DNMT3A: variants seen among roughly 807,000 people sequenced by gnomAD.
The protein encoded by DNMT3A is DNA (cytosine-5)-methyltransferase 3A.
In DNMT3A, 267 loss-of-function variants were observed where a neutral mutation model predicts 117.6. The observed-to-expected ratio is 2.27, with a 90% CI of 2.05 to 2.51. The LOEUF is 2.51. Among genes scored for constraint, DNMT3A ranks in the 30% most tolerant of loss-of-function variants. DNMT3A has a pLI of 0.00. For synonymous variants in DNMT3A, 432 were observed against 474.8 expected (o/e 0.91, Z 1.17); for missense variants, 1,029 against 1,260.2 (o/e 0.82, Z 2.78).
chr2:25,310,376 A>G (rs1455841899), intron 2 of DNMT3A, among the ~76,000 whole-genome samples: 4 of 146,786 alleles, frequency 2.7e-5, no homozygotes, highest in Non-Finnish European at 6.0e-5. Context: ...CTGCGGCAAC[A>G]TTTACCAGCT....
At chr2:25,285,023 T>A (rs757112143) in intron 3 of DNMT3A, among the ~76,000 whole-genome samples, 1 of 152,168 alleles carries the variant, frequency 6.6e-6, no homozygotes, top group Non-Finnish European at 1.5e-5. Context: ...TGGTGGGCAT[T>A]TGGGCTGATT....
At chr2:25,324,785 C>T (rs2034725216) in intron 1 of DNMT3A, among the ~76,000 whole-genome samples, 1 of 152,128 alleles carries the variant, frequency 6.6e-6, no homozygotes, top group African/African-American at 2.4e-5. Flanking sequence ...GTCTTGGTGC[C>T]ATTTTCCAGT....
At chr2:25,302,209 C>CG (rs954804839) in intron 2 of DNMT3A, among the ~76,000 whole-genome samples, 10 of 151,982 alleles carry the variant, frequency 6.6e-5, no homozygotes, top group Non-Finnish European at 1.3e-4. Context: ...AGAGAATGCT[C>CG]GGAGGTGCAG....
intron 6 of DNMT3A, among the ~76,000 whole-genome samples, chr2:25,251,159 G>C (rs1210025040): frequency 1.4e-5 from 2 of 144,044 alleles, no homozygotes; most frequent in African/African-American, 5.2e-5. Flanking sequence ...GAAGCGGGGG[G>C]GGGGGTGGGT....
intron 2 of DNMT3A, among the ~76,000 whole-genome samples, chr2:25,307,145 T>C (rs1039233142): frequency 6.6e-6 from 1 of 152,214 alleles, no homozygotes; most frequent in Non-Finnish European, 1.5e-5. Context: ...AACACTCCTT[T>C]ACATGCCCTT....
At chr2:25,235,857 C>T (rs760739540) in intron 21 of DNMT3A, 32 bp from the exon 22 acceptor site, 39 of 1,579,168 alleles carry the variant, frequency 2.5e-5, no homozygotes, top group Non-Finnish European at 3.1e-5. Flanking sequence ...GGAATAAGCA[C>T]GAATTCATTC....
chr2:25,285,980 C>A (rs1050686442), intron 3 of DNMT3A, among the ~76,000 whole-genome samples: 17 of 152,224 alleles, frequency 1.1e-4, no homozygotes, highest in Admixed American at 1.1e-3. Flanking sequence ...CTAACTTGAG[C>A]TAAGAAGCTT....
chr2:25,264,071 A>T (rs2029934381), intron 6 of DNMT3A, among the ~76,000 whole-genome samples: 1 of 150,514 alleles, frequency 6.6e-6, no homozygotes, highest in East Asian at 1.9e-4. Flanking sequence ...CAGACACACA[A>T]GGTGGTATCT....
Position 25,254,917 on chromosome 2 carries a change from T to G in DNMT3A, c.640-6665A>C, listed in dbSNP as rs149155605. Among the ~76,000 whole-genome samples the G allele has an allele frequency of 3.9e-5, 6 of 152,332 alleles. No homozygotes were observed. Among genetic ancestry groups the G allele is most frequent in the African/African-American group, 1.4e-4 (6 of 41,588 alleles). On this transcript the variant is annotated intron_variant, in intron 6 of 22. Coordinates refer to ENST00000321117, the MANE Select transcript of DNMT3A (RefSeq NM_022552.5). This position sits in a 1 kb window ranked among gnomAD's most constrained non-coding sequence, Gnocchi z 4.7. ...TCAGAACTGGCCAGAACTGTTCACT[T>G]TCTCTTGGCCACATATTAGGTAGCT...
chr2:25,247,884 G>A lies in DNMT3A; in HGVS notation c.856-135C>T, dbSNP rs1342810079. ...AGGGAGCTCCATCTGAATGAGGCAA[G>A]ACAGAGCAAAATCGGGGAGACGAAG... On this transcript the variant is annotated intron_variant, in intron 7 of 22. Coordinates refer to ENST00000321117, the MANE Select transcript of DNMT3A (RefSeq NM_022552.5). The surrounding 1 kb of genome is among the most constrained non-coding windows in gnomAD (Gnocchi z 5.6). The A allele has an allele frequency of 2.6e-6, 4 of 1,523,996 alleles. No individual in the cohort carries two copies. The highest frequency in any genetic ancestry group is 3.5e-6 in the Non-Finnish European group (4 of 1,134,948). 94.4% of individuals were successfully genotyped at this position (1,523,996 alleles called of 1,614,324 possible).
chr2:25,255,940 C>G (rs1157382229), intron 6 of DNMT3A, among the ~76,000 whole-genome samples: 2 of 152,156 alleles, frequency 1.3e-5, no homozygotes, highest in Non-Finnish European at 2.9e-5. Context: ...AAGTTCAGTG[C>G]TCTGTGGCAT....
chr2:25,239,323 C>A, intron 19 of DNMT3A, 108 bp from the exon 20 acceptor site: 1 of 933,766 alleles, frequency 1.1e-6, no homozygotes, highest in Non-Finnish European at 1.7e-6. Flanking sequence ...ACTTCTCTCT[C>A]AGGAGCCACA....
In DNMT3A at chr2:25,327,536, G is replaced by T. The variant is rs961162195; in HGVS notation, c.-177-13375C>A. Among the ~76,000 whole-genome samples, 3 of 152,080 alleles carry T rather than the reference G, an allele frequency of 2.0e-5. No individual in the cohort carries two copies. Among genetic ancestry groups the T allele is most frequent in the Non-Finnish European group, 2.9e-5 (2 of 68,012 alleles). On this transcript the variant is annotated intron_variant, in intron 1 of 22. Transcript: ENST00000321117. The surrounding 1 kb of genome is among the most constrained non-coding windows in gnomAD (Gnocchi z 4.1). ...GACTCCATCTGGCTCCTTGCTTCTG[G>T]GTCTCCAGCCTCAGATTCTGCAGCT...
chr2:25,307,585 C>T (rs1385095348), intron 2 of DNMT3A, among the ~76,000 whole-genome samples: 2 of 151,694 alleles, frequency 1.3e-5, no homozygotes. Flanking sequence ...CCCACCTCAG[C>T]TTCCCAAGTA....
intron 2 of DNMT3A, among the ~76,000 whole-genome samples, chr2:25,312,090 G>A (rs754185681): frequency 2.6e-5 from 4 of 152,134 alleles, no homozygotes; most frequent in African/African-American, 9.7e-5. Flanking sequence ...GGGGAGCTGC[G>A]TCAGCAACTG....
chr2:25,290,148 TA>T (rs924439453), intron 3 of DNMT3A, among the ~76,000 whole-genome samples: 25 of 151,998 alleles, frequency 1.6e-4, no homozygotes, highest in Admixed American at 6.5e-4. Flanking sequence ...TGGAAGTAAT[TA>T]AAAAAAATTT....
chr2:25,314,585 C>CCCCACA, intron 1 of DNMT3A: 1 of 985,410 alleles, frequency 1.0e-6, no homozygotes, highest in Non-Finnish European at 1.2e-6. Context: ...TCACCCCCAC[C>CCCCACA]CCCACACCTC....
At chr2:25,300,700 TCTAAATA>T (rs2033405994) in intron 2 of DNMT3A, among the ~76,000 whole-genome samples, 4 of 76,044 alleles carry the variant, frequency 5.3e-5, no homozygotes, top group Non-Finnish European at 1.0e-4. Flanking sequence ...TATTTATATA[TCTAAATA>T]ATATAATATA....
In DNMT3A at chr2:25,239,232, G is replaced by A. The variant is rs778123826; in HGVS notation, c.2323-17C>T. ...AGGGTTGGACTACAAAACAGGAGAC[G>A]GTTTGAAGATGAGCCAAGGAGGAGC... On this transcript the variant is annotated splice_polypyrimidine_tract_variant and intron_variant, in intron 19 of 22. Transcript: ENST00000321117. The A allele has an allele frequency of 6.8e-6, 11 of 1,611,724 alleles. No homozygotes were observed. The highest frequency in any genetic ancestry group is 1.3e-5 in the African/African-American group (1 of 74,896).
Sources: allele counts gnomAD v4.1 joint callset (sites outside exome capture counted in the v4.1 genomes callset), GRCh38; gene constraint gnomAD v4.1.1; non-coding constraint Gnocchi (gnomAD v3.1); transcripts MANE v1.5; gene names NCBI Gene and HGNC (gene_info 2026-07-23, HGNC 2026-07-21).